Variants in NLRP9 observed in about 807,000 individuals in gnomAD.
NLRP9 encodes the protein NACHT, LRR and PYD domains-containing protein 9.
Under a neutral mutation model 83.1 loss-of-function variants are expected in NLRP9, and 88 were observed. That is an observed-to-expected ratio of 1.06 (90% CI 0.89 to 1.26). The LOEUF is 1.26. NLRP9 is among the 50% of genes most tolerant of loss of function. NLRP9 has a pLI of 0.00. For missense variants in NLRP9, 1,308 were observed against 1,179.3 expected (o/e 1.11, Z -1.60); for synonymous variants, 521 against 447.6 (o/e 1.16, Z -2.07).
intron 3 of NLRP9, 61 bp from the exon 4 acceptor site, chr19:55,724,205 C>T (rs1440131269): frequency 1.7e-6 from 2 of 1,178,680 alleles, no homozygotes; most frequent in African/African-American, 3.1e-5. Flanking sequence ...AAGACAGACA[C>T]CTCTTGTACG....
rs1988841395 is a variant in NLRP9 at position 55,738,333 on chromosome 19, A to T, written c.42T>A (p.Tyr14Ter). ...SFFSDFGLLW[Y>*]LKELRKEEFW... ...ACTCTTCCTTTCTGAGCTCCTTCAGATACCACAACAAGCCAAAATCCGAAA... is the reference window on the plus strand; with the variant it reads ...ACTCTTCCTTTCTGAGCTCCTTCAGTTACCACAACAAGCCAAAATCCGAAA... The change falls in exon 1 of 9, where the codon TAT becomes TAA. Residue 14 changes from tyrosine to a stop codon, truncating the protein, a stop_gained. Transcript: ENST00000332836. LOFTEE classifies it high-confidence loss of function. 1.2e-6 allele frequency: 2 copies of T among 1,613,856 alleles called. No homozygotes were observed. The highest frequency in any genetic ancestry group is 1.7e-6 in the Non-Finnish European group (2 of 1,179,994).
intron 4 of NLRP9, among the ~76,000 whole-genome samples, chr19:55,718,049 T>C (rs1988087522): frequency 6.6e-6 from 1 of 152,242 alleles, no homozygotes; most frequent in South Asian, 2.1e-4. Flanking sequence ...CTCAACCCTG[T>C]GCTCACAGAA....
rs1339046418 is a variant in NLRP9 at position 55,730,060 on chromosome 19, C to T, written c.1833-68G>A. On this transcript the variant is annotated intron_variant, in intron 2 of 8. Transcript: ENST00000332836. ...AATTCAAGACATTCTCAAAACAGGT[C>T]GAACACCATTTCCAAAGCACCTCAA... 112 of 1,432,900 alleles carry T rather than the reference C, an allele frequency of 7.8e-5. 1 individual carries two copies. Among genetic ancestry groups the T allele is most frequent in the South Asian group, 5.8e-4 (47 of 80,506 alleles). 88.8% of individuals were successfully genotyped at this position (1,432,900 alleles called of 1,614,324 possible). A position where few individuals can be genotyped will look rare whatever the true frequency, so the allele number is the denominator to read the frequency against.
chr19:55,724,326 G>A (rs1988335482), intron 3 of NLRP9, among the ~76,000 whole-genome samples, 182 bp from the exon 4 acceptor site: 1 of 151,808 alleles, frequency 6.6e-6, no homozygotes, highest in Admixed American at 6.6e-5. Flanking sequence ...CAGCACAGAG[G>A]CTCAAGCTGC....
intron 7 of NLRP9, 97 bp from the exon 8 acceptor site, chr19:55,712,067 C>T (rs886215358): frequency 1.4e-5 from 17 of 1,236,860 alleles, no homozygotes; most frequent in Middle Eastern, 1.9e-4. Context: ...CCCGGCAGGA[C>T]GCTCTGCTGT....
At chr19:55,713,183 A>G (rs1987835782) in intron 6 of NLRP9, among the ~76,000 whole-genome samples, 1 of 149,216 alleles carries the variant, frequency 6.7e-6, no homozygotes, top group Non-Finnish European at 1.5e-5. Flanking sequence ...CCCTGTGCAA[A>G]TGTCACCTTT....
intron 1 of NLRP9, among the ~76,000 whole-genome samples, chr19:55,735,880 G>T (rs780277998): frequency 6.6e-6 from 1 of 151,642 alleles, no homozygotes; most frequent in Non-Finnish European, 1.5e-5. Context: ...TAGATAGAGT[G>T]TCTCACCATG....
At chr19:55,722,449 T>C (rs569118680) in intron 4 of NLRP9, among the ~76,000 whole-genome samples, 1 of 152,216 alleles carries the variant, frequency 6.6e-6, no homozygotes, top group Non-Finnish European at 1.5e-5. Context: ...ACAACCCTTA[T>C]GCATAGAACC....
Position 55,708,714 on chromosome 19 carries a change from A to AT in NLRP9, c.*197dup. 1 of 427,574 alleles carries AT rather than the reference A, an allele frequency of 2.3e-6. No homozygotes were observed. Among genetic ancestry groups the AT allele is most frequent in the Middle Eastern group, 6.4e-4 (1 of 1,574 alleles). The allele number at this position is 427,574 out of a possible 1,614,324, so 26.5% of individuals were successfully genotyped here. Reference sequence around the variant, plus strand: ...GGATGGGATTTCTAAAGACAAGGGGATATAGGACCGAGGCAAAGACAATCA... The same window carrying AT: ...GGATGGGATTTCTAAAGACAAGGGGATTATAGGACCGAGGCAAAGACAATCA... On this transcript the variant is annotated 3_prime_UTR_variant, in exon 9 of 9. Transcript: ENST00000332836.
intron 2 of NLRP9, among the ~76,000 whole-genome samples, chr19:55,730,811 G>A (rs1325490441): frequency 2.0e-5 from 3 of 151,892 alleles, no homozygotes; most frequent in African/African-American, 2.4e-5. Context: ...AGTGGATATC[G>A]GGCTTGATAC....
At position 55,732,250 on chromosome 19, in the gene NLRP9, A is replaced by G. The variant is rs375444613; in HGVS notation, c.1581T>C (p.Leu527=). Residue 527 remains leucine (L), a synonymous_variant, in exon 2 of 9, where the codon CTT becomes CTC. Coordinates refer to ENST00000332836, the MANE Select transcript of NLRP9 (RefSeq NM_176820.4). ...CAGCTTCACATTGACTTAAACTTTC[A>G]AGGCATTGGGTTATTTCCTGCTTTA... ...KDLKQEITQC[L]ESLSQCEADR... is the part of the protein sequence containing the mutation. 10 of 1,613,958 alleles carry G rather than the reference A, an allele frequency of 6.2e-6. No individual in the cohort carries two copies. The African/African-American group carries it at 1.3e-4, about 22-fold the overall frequency.
At position 55,716,692 on chromosome 19, in the gene NLRP9, GA is replaced by G. The variant is rs760557935; in HGVS notation, c.2330+35del. 152 of 1,587,928 alleles carry G rather than the reference GA, an allele frequency of 9.6e-5. 5 individuals are homozygous for G. The South Asian group carries it at 1.6e-3, about 16-fold the overall frequency. On this transcript the variant is annotated intron_variant, in intron 5 of 8. Coordinates refer to ENST00000332836, the MANE Select transcript of NLRP9 (RefSeq NM_176820.4). ...TGGGTGGATCCAGGTGCACGCTTCAGAAATCTCCGAACGTGCTTCCCGCAGA... is the reference window on the plus strand; with the variant it reads ...TGGGTGGATCCAGGTGCACGCTTCAGAATCTCCGAACGTGCTTCCCGCAGA...
chr19:55,729,044 C>CTTT (rs199974942), intron 3 of NLRP9, among the ~76,000 whole-genome samples: 12 of 98,234 alleles, frequency 1.2e-4, no homozygotes, highest in African/African-American at 2.6e-4. Context: ...TCTTATTTTT[C>CTTT]TTTTTCTTTT....
At chr19:55,722,049 G>T (rs1005844839) in intron 4 of NLRP9, among the ~76,000 whole-genome samples, 1 of 152,064 alleles carries the variant, frequency 6.6e-6, no homozygotes, top group African/African-American at 2.4e-5. Context: ...CCACTCAACT[G>T]TGATCATTGA....
chr19:55,734,548 TATACGCAC>T (rs1988724384), intron 1 of NLRP9, among the ~76,000 whole-genome samples: 7 of 144,048 alleles, frequency 4.9e-5, no homozygotes, highest in Non-Finnish European at 9.3e-5. Flanking sequence ...TATATACATA[TATACGCAC>T]ACACATATAT....
At chr19:55,720,695 ATC>A (rs768382911) in intron 4 of NLRP9, among the ~76,000 whole-genome samples, 3 of 152,200 alleles carry the variant, frequency 2.0e-5, no homozygotes, top group Non-Finnish European at 4.4e-5. Flanking sequence ...TTGATAAAGA[ATC>A]TCTCTTAATT....
At chr19:55,714,671 C>T (rs1186297396) in intron 6 of NLRP9, among the ~76,000 whole-genome samples, 2 of 152,062 alleles carry the variant, frequency 1.3e-5, no homozygotes, top group African/African-American at 2.4e-5. Flanking sequence ...TGAAACGGGT[C>T]CCTTATAGAC....
At chr19:55,724,167 TAGC>T (rs1407894744) in intron 3 of NLRP9, 23 bp from the exon 4 acceptor site, 1 of 1,535,106 alleles carries the variant, frequency 6.5e-7, no homozygotes, top group Non-Finnish European at 8.9e-7. Context: ...AAAAAAAAAA[TAGC>T]ATCATGCAAT....
intron 8 of NLRP9, among the ~76,000 whole-genome samples, chr19:55,710,877 G>A (rs61540783): frequency 0.031 from 4,765 of 152,184 alleles, 258 homozygotes; most frequent in African/African-American, 0.11. Flanking sequence ...CCTGAGGTCA[G>A]GAGTTCGAGA....
Sources: allele counts gnomAD v4.1 joint callset (sites outside exome capture counted in the v4.1 genomes callset), GRCh38; gene constraint gnomAD v4.1.1; transcripts MANE v1.5; gene names NCBI Gene and HGNC (gene_info 2026-07-23, HGNC 2026-07-21).